The following CCDC187 variants were observed in gnomAD, a reference collection of about 807,000 sequenced individuals.
CCDC187 encodes the protein coiled-coil domain-containing protein 187.
Under a neutral mutation model 38.0 loss-of-function variants are expected in CCDC187, and 32 were observed. The observed-to-expected ratio is 0.84, with a 90% CI of 0.64 to 1.13. CCDC187 has a LOEUF of 1.13. CCDC187 is among the 50% of genes most tolerant of loss of function. The pLI, the probability that CCDC187 is intolerant of heterozygous loss-of-function variation, is 0.00. For synonymous variants in CCDC187, 333 were observed against 347.9 expected (o/e 0.96, Z 0.48); for missense variants, 707 against 786.8 (o/e 0.90, Z 1.21).
chr9:136,286,546 C>T lies in CCDC187; in HGVS notation c.2372G>A (p.Arg791His), dbSNP rs957967262. 8 of 398,550 alleles carry T rather than the reference C, an allele frequency of 2.0e-5. No individual in the cohort carries two copies. In the Admixed American group the frequency reaches 2.2e-4, roughly 11 times the overall value. 24.7% of individuals were successfully genotyped at this position (398,550 alleles called of 1,614,324 possible). A position where few individuals can be genotyped will look rare whatever the true frequency, so the allele number is the denominator to read the frequency against. The change falls in exon 8 of 26, where the codon CGC becomes CAC. Residue 791 changes from arginine to histidine, a missense_variant. By Grantham distance (29) the Arg-to-His change is conservative. Transcript: ENST00000638797. ...GSLELQDLTT[R>H]YLPRGMCIYL... ...GATGCACATCCCCCGGGGTAGGTAG[C>T]GGGTGGTCAGGTCCTGGAGCTCCAG...
chr9:136,265,931 C>T, intron 17 of CCDC187, 25 bp downstream of exon 17: 1 of 981,158 alleles, frequency 1.0e-6, no homozygotes, highest in African/African-American at 1.7e-5. Context: ...CCCACCCTGA[C>T]CCACCAGGCC....
At chr9:136,294,444 C>T (rs1005890965) in intron 4 of CCDC187, among the ~76,000 whole-genome samples, 196 of 152,360 alleles carry the variant, frequency 1.3e-3, no homozygotes, top group African/African-American at 4.6e-3. Context: ...CAGCCCAGGG[C>T]AGCTCCACCC....
chr9:136,260,271 G>A lies in CCDC187; in HGVS notation c.4065-7C>T, dbSNP rs1161115658. 1.0e-5 allele frequency: 10 copies of A among 984,938 alleles called. No individual in the cohort carries two copies. The highest frequency in any genetic ancestry group is 1.1e-5 in the Non-Finnish European group (9 of 829,878). 61.0% of individuals were successfully genotyped at this position (984,938 alleles called of 1,614,324 possible). On this transcript the variant is annotated splice_region_variant and splice_polypyrimidine_tract_variant and intron_variant, in intron 19 of 25. Transcript: ENST00000638797. Reference sequence around the variant, plus strand: ...CTGCTGCTCAGTGGGAGGGCTGCACGGCCATGCAGAGTGGAGGTGACCGCC... The same window carrying A: ...CTGCTGCTCAGTGGGAGGGCTGCACAGCCATGCAGAGTGGAGGTGACCGCC...
Position 136,252,156 on chromosome 9 carries a change from C to T in CCDC187, c.*1438G>A, listed in dbSNP as rs1298684150. The T allele has an allele frequency of 5.4e-5, 4 of 74,282 alleles. No homozygotes were observed. Among genetic ancestry groups the T allele is most frequent in the Admixed American group, 1.4e-4 (1 of 7,066 alleles). 4.6% of individuals were successfully genotyped at this position (74,282 alleles called of 1,614,324 possible). On this transcript the variant is annotated 3_prime_UTR_variant, in exon 26 of 26. Transcript: ENST00000638797. Reference sequence around the variant, plus strand: ...CCACCCTGTCCACCAGGGGAAGAGCCGGCCGCCCACCCGGTCCACCCCGGG... The same window carrying T: ...CCACCCTGTCCACCAGGGGAAGAGCTGGCCGCCCACCCGGTCCACCCCGGG...
At chr9:136,277,189 C>T (rs1830947879) in intron 10 of CCDC187, among the ~76,000 whole-genome samples, 5 of 150,958 alleles carry the variant, frequency 3.3e-5, no homozygotes. Context: ...CACAGAGGTT[C>T]CTCCTTCCCT....
chr9:136,293,213 G>C (rs1831387698), intron 4 of CCDC187, among the ~76,000 whole-genome samples: 2 of 116,752 alleles, frequency 1.7e-5, no homozygotes, highest in South Asian at 6.1e-4. Context: ...ACAAACACAT[G>C]CTCACACACT....
At chr9:136,289,384 T>C (rs1831255876) in intron 7 of CCDC187, among the ~76,000 whole-genome samples, 1 of 151,924 alleles carries the variant, frequency 6.6e-6, no homozygotes, top group Admixed American at 6.6e-5. Flanking sequence ...CCGGGCGTTG[T>C]GGCAGGTGCC....
At chr9:136,270,205 A>G (rs1482570458) in intron 14 of CCDC187, among the ~76,000 whole-genome samples, 4 of 152,240 alleles carry the variant, frequency 2.6e-5, no homozygotes, top group African/African-American at 7.2e-5. Flanking sequence ...ATAAAGACAC[A>G]AGGCAAAGAG....
intron 8 of CCDC187, 117 bp from the exon 9 acceptor site, chr9:136,285,723 G>C (rs1232606662): frequency 7.5e-6 from 3 of 397,414 alleles, no homozygotes; most frequent in East Asian, 7.1e-5. Context: ...GTGGGGGTGT[G>C]GCAGCCTCCC....
intron 20 of CCDC187, 57 bp downstream of exon 20, chr9:136,260,062 G>C: frequency 2.0e-6 from 2 of 984,014 alleles, no homozygotes; most frequent in Non-Finnish European, 2.4e-6. Context: ...ACACTGCCCA[G>C]GGCCCACTGA....
intron 4 of CCDC187, among the ~76,000 whole-genome samples, chr9:136,295,366 G>C (rs1831510572): frequency 6.6e-6 from 1 of 152,164 alleles, no homozygotes. Context: ...GGGTCCTGAT[G>C]GGCACATTTT....
chr9:136,299,542 T>G (rs1179121360), intron 3 of CCDC187, among the ~76,000 whole-genome samples: 1 of 152,198 alleles, frequency 6.6e-6, no homozygotes, highest in Non-Finnish European at 1.5e-5. Flanking sequence ...CTGCATCCAT[T>G]TTGCCCCAGC....
upstream of CCDC187, chr9:136,304,208 G>A (rs1343801455): frequency 2.6e-5 from 4 of 152,288 alleles, no homozygotes; most frequent in South Asian, 6.2e-4. Flanking sequence ...GGCTCTCAGC[G>A]GTGCCCCACC....
rs1180493715 is a variant in CCDC187 at position 136,296,788 on chromosome 9, G to A, written c.832+926C>T. 4.6e-5 allele frequency among the ~76,000 whole-genome samples: 7 copies of A among 152,354 alleles called. No homozygotes were observed. The South Asian group carries it at 1.2e-3, about 27-fold the overall frequency. ...ACACCTCTGCCCAGTCCTCAGCAGG[G>A]AGATGCCTGGATCAGAAATTCCTCT... On this transcript the variant is annotated intron_variant, in intron 4 of 25. Transcript: ENST00000638797.
chr9:136,293,397 A>ACATG lies in CCDC187; in HGVS notation c.833-1103_833-1102insCATG, dbSNP rs1831413912. On this transcript the variant is annotated intron_variant, in intron 4 of 25. Coordinates refer to ENST00000638797, the MANE Select transcript of CCDC187 (RefSeq NM_001378188.1). ...CACACTCACACTCACATGCTCACACACTCACAAACACTCACATGCTCACAT... is the reference window on the plus strand; with the variant it reads ...CACACTCACACTCACATGCTCACACACATGCTCACAAACACTCACATGCTCACAT... Among the ~76,000 whole-genome samples, 3 of 74,998 alleles carry ACATG rather than the reference A, an allele frequency of 4.0e-5. 1 individual carries two copies. Among genetic ancestry groups the ACATG allele is most frequent in the Admixed American group, 2.6e-4 (2 of 7,558 alleles). The allele number at this position is 74,998 out of a possible 152,430, so 49.2% of individuals were successfully genotyped here. A position where few individuals can be genotyped will look rare whatever the true frequency, so the allele number is the denominator to read the frequency against.
chr9:136,294,259 C>T (rs961807387), intron 4 of CCDC187, among the ~76,000 whole-genome samples: 1,917 of 151,706 alleles, frequency 0.013, 29 homozygotes, highest in African/African-American at 0.035. Context: ...CACTCTCACG[C>T]GCTCATATAC....
intron 5 of CCDC187, among the ~76,000 whole-genome samples, chr9:136,291,925 A>C (rs1191745607): frequency 5.3e-5 from 8 of 152,196 alleles, no homozygotes; most frequent in Admixed American, 5.2e-4. Context: ...CTGCCCCGGG[A>C]ACTGGCGATG....
intron 19 of CCDC187, among the ~76,000 whole-genome samples, chr9:136,261,424 C>T (rs1485967743): frequency 2.6e-5 from 4 of 152,128 alleles, no homozygotes; most frequent in Non-Finnish European, 1.5e-5. Flanking sequence ...TACCCCTCCG[C>T]CAGGAGGGTG....
intron 18 of CCDC187, 42 bp from the exon 19 acceptor site, chr9:136,262,504 G>A: frequency 3.0e-6 from 3 of 986,630 alleles, no homozygotes; most frequent in Non-Finnish European, 3.6e-6. Context: ...GGCCACCTCT[G>A]CCCATTTCCT....
Sources: gnomAD v4.1 joint callset for allele counts (sites outside exome capture counted in the v4.1 genomes callset) on GRCh38, gnomAD v4.1.1 for gene constraint, MANE v1.5 for transcripts, NCBI Gene and HGNC (gene_info 2026-07-23, HGNC 2026-07-21) for gene names.